Variants in GRID2 observed in about 807,000 individuals in gnomAD.
The protein encoded by GRID2 is glutamate ionotropic receptor delta type subunit 2.
A neutral mutation model predicts 114.8 loss-of-function variants in GRID2; 33 were observed. That is an observed-to-expected ratio of 0.29 (90% CI 0.22 to 0.38). GRID2 has a LOEUF of 0.38. Among genes scored for constraint, GRID2 ranks in the 10% least tolerant of loss-of-function variants. The pLI is 1.00. For missense variants in GRID2, 1,184 were observed against 1,257.7 expected, an observed-to-expected ratio of 0.94 and a Z score of 0.89; for synonymous variants, 505 against 449.9, an observed-to-expected ratio of 1.12 and a Z score of -1.55.
At chr4:92,535,726 CA>C (rs1725587113) in intron 1 of GRID2, among the ~76,000 whole-genome samples, 1 of 152,174 alleles carries the variant, frequency 6.6e-6, no homozygotes, top group Non-Finnish European at 1.5e-5. Context: ...CTGGTTCCTT[CA>C]GTGGGTTCTT....
intron 2 of GRID2, among the ~76,000 whole-genome samples, chr4:93,053,624 TAA>T (rs1401457112): frequency 1.3e-5 from 2 of 152,012 alleles, no homozygotes; most frequent in Non-Finnish European, 2.9e-5. Context: ...AAATTGGTGT[TAA>T]GAGTCATATT....
intron 1 of GRID2, among the ~76,000 whole-genome samples, chr4:92,428,609 T>C (rs907172443): frequency 2.6e-5 from 4 of 152,184 alleles, no homozygotes; most frequent in African/African-American, 7.2e-5. Context: ...TATTAAGTTA[T>C]AACTATTATG....
intron 14 of GRID2, among the ~76,000 whole-genome samples, chr4:93,715,440 T>C (rs1728826798): frequency 1.3e-5 from 2 of 152,222 alleles, no homozygotes; most frequent in African/African-American, 4.8e-5. Flanking sequence ...ATATGAATTT[T>C]CAAATAGGTT....
intron 14 of GRID2, among the ~76,000 whole-genome samples, chr4:93,728,980 A>G (rs1337388659): frequency 6.6e-6 from 1 of 152,168 alleles, no homozygotes; most frequent in Non-Finnish European, 1.5e-5. Context: ...CATTTAGCCC[A>G]TTTACATTCA....
intron 1 of GRID2, among the ~76,000 whole-genome samples, chr4:92,526,602 C>T (rs1482884187): frequency 2.0e-5 from 3 of 152,042 alleles, no homozygotes. Context: ...CCTCAGCTTC[C>T]CAAAGTGCTG....
chr4:93,372,487 TTA>T (rs1343095585), intron 8 of GRID2, among the ~76,000 whole-genome samples: 1 of 152,176 alleles, frequency 6.6e-6, no homozygotes, highest in African/African-American at 2.4e-5. Flanking sequence ...CTGCTTTTGC[TTA>T]TTATTCTCTA....
intron 8 of GRID2, among the ~76,000 whole-genome samples, chr4:93,251,583 G>C (rs1748936367): frequency 6.6e-6 from 1 of 152,146 alleles, no homozygotes; most frequent in Admixed American, 6.5e-5. Flanking sequence ...ATGAGGGTTT[G>C]TTGTACAGAT....
chr4:92,972,203 A>ATTTTTTTTTTTTTTTTTT, intron 2 of GRID2, among the ~76,000 whole-genome samples: 1 of 140,382 alleles, frequency 7.1e-6, no homozygotes, highest in Non-Finnish European at 1.6e-5. Flanking sequence ...CTTTGCTAGC[A>ATTTTTTTTTTTTTTTTTT]TTTTTTTTTT....
chr4:92,814,894 A>C (rs2149381635), intron 2 of GRID2, among the ~76,000 whole-genome samples: 1 of 152,114 alleles, frequency 6.6e-6, no homozygotes, highest in African/African-American at 2.4e-5. Context: ...AGAAAGAGAA[A>C]CCTTTCTCCC....
At chr4:92,569,952 G>A (rs531421028) in intron 1 of GRID2, among the ~76,000 whole-genome samples, 22 of 151,972 alleles carry the variant, frequency 1.4e-4, no homozygotes, top group African/African-American at 4.3e-4. Flanking sequence ...GTGCAGAAGC[G>A]CTTTAGTTTA....
At chr4:93,043,778 G>A (rs947382455) in intron 2 of GRID2, among the ~76,000 whole-genome samples, 2 of 151,886 alleles carry the variant, frequency 1.3e-5, no homozygotes, top group African/African-American at 2.4e-5. Context: ...TGGGGGGAGC[G>A]GGGAGGGAAT....
chr4:92,860,479 G>T (rs945239153), intron 2 of GRID2, among the ~76,000 whole-genome samples: 1 of 152,096 alleles, frequency 6.6e-6, no homozygotes, highest in South Asian at 2.1e-4. Context: ...CTATTACAAT[G>T]ATAGATTTGA....
chr4:93,580,957 T>A (rs781126729), intron 13 of GRID2, among the ~76,000 whole-genome samples: 4 of 151,954 alleles, frequency 2.6e-5, no homozygotes, highest in Non-Finnish European at 5.9e-5. Flanking sequence ...ATATATATTA[T>A]ATATTTAATG....
intron 14 of GRID2, among the ~76,000 whole-genome samples, chr4:93,685,189 A>G (rs1420655455): frequency 6.6e-6 from 1 of 152,088 alleles, no homozygotes; most frequent in Non-Finnish European, 1.5e-5. Context: ...AAAGTTAGAA[A>G]TTGTTAAGTA....
intron 2 of GRID2, among the ~76,000 whole-genome samples, chr4:92,843,685 A>G (rs1743081232): frequency 6.6e-6 from 1 of 152,132 alleles, no homozygotes; most frequent in Admixed American, 6.6e-5. Context: ...CTGTTGAACG[A>G]CTTGAGGAAA....
chr4:92,823,743 C>T (rs1241374020), intron 2 of GRID2, among the ~76,000 whole-genome samples: 1 of 152,080 alleles, frequency 6.6e-6, no homozygotes, highest in African/African-American at 2.4e-5. Context: ...CTGATAAACT[C>T]TGAAATTCCT....
chr4:92,410,445 G>A (rs564188723), intron 1 of GRID2, among the ~76,000 whole-genome samples: 87 of 152,278 alleles, frequency 5.7e-4, no homozygotes, highest in African/African-American at 2.0e-3. Context: ...TATTGCACAC[G>A]TATTTTGTAT....
At chr4:93,538,457 C>T (rs1002918271) in intron 13 of GRID2, among the ~76,000 whole-genome samples, 5 of 151,674 alleles carry the variant, frequency 3.3e-5, no homozygotes, top group African/African-American at 1.2e-4. Context: ...TTAAATAATA[C>T]GTGTAGATAC....
chr4:93,011,376 T>C lies in GRID2; in HGVS notation c.245-73619T>C, dbSNP rs190428575. On this transcript the variant is annotated intron_variant, in intron 2 of 15. Coordinates refer to ENST00000282020, the MANE Select transcript of GRID2 (RefSeq NM_001510.4). ...CAATACACAGGCCTGATTCATTATA[T>C]CACCTGCCAGTAGTGATAAAAAAAT... Among the ~76,000 whole-genome samples the C allele has an allele frequency of 3.6e-3, 548 of 152,016 alleles. 1 individual carries two copies. The highest frequency in any genetic ancestry group is 0.012 in the African/African-American group (478 of 41,472).
Sources: gnomAD v4.1 joint callset for allele counts (sites outside exome capture counted in the v4.1 genomes callset) on GRCh38, gnomAD v4.1.1 for gene constraint, MANE v1.5 for transcripts, NCBI Gene and HGNC (gene_info 2026-07-23, HGNC 2026-07-21) for gene names.